PCNT: variants seen among roughly 807,000 people sequenced by gnomAD.
The protein encoded by PCNT is kendrin.
In PCNT, 319 loss-of-function variants were observed where a neutral mutation model predicts 380.4. That is an observed-to-expected ratio of 0.84 (90% CI 0.77 to 0.92). The LOEUF is 0.92. Ranked by LOEUF, PCNT falls within the 40% of genes least tolerant of loss-of-function variation. The probability of loss-of-function intolerance (pLI) is 0.00; values close to 1 mark genes in which losing one functional copy is unlikely to be tolerated. For missense variants in PCNT, 4,400 were observed against 4,255.3 expected (o/e 1.03, Z -0.95); for synonymous variants, 1,845 against 1,735.2 (o/e 1.06, Z -1.57).
rs541725159 is a variant in PCNT at position 46,389,219 on chromosome 21, T to C, written c.3628T>C (p.Trp1210Arg). The C allele has an allele frequency of 1.2e-6, 2 of 1,614,132 alleles. No homozygotes were observed. Among genetic ancestry groups the C allele is most frequent in the African/African-American group, 2.7e-5 (2 of 75,058 alleles). The change falls in exon 19 of 47, where the codon TGG becomes CGG. Residue 1210 changes from tryptophan (W) to arginine (R), a missense_variant. Trp to Arg is a moderately radical substitution (Grantham distance 101). Coordinates refer to ENST00000359568, the MANE Select transcript of PCNT (RefSeq NM_006031.6). ...TGTAGCTCCGGCGCTGGAGGAGACATGGTCTGATGTGGCCCTCCCGGAGTT... is the reference window on the plus strand; with the variant it reads ...TGTAGCTCCGGCGCTGGAGGAGACACGGTCTGATGTGGCCCTCCCGGAGTT... ...LSTAPALEET[W>R]SDVALPELDR...
At chr21:46,408,683 A>G (rs1242616393) in intron 27 of PCNT, among the ~76,000 whole-genome samples, 3 of 136,936 alleles carry the variant, frequency 2.2e-5, no homozygotes, top group African/African-American at 8.2e-5. Flanking sequence ...TGCCATCCAT[A>G]TTGTGGGGGA....
intron 21 of PCNT, 49 bp from the exon 22 acceptor site, chr21:46,397,216 C>A: frequency 7.0e-7 from 1 of 1,423,892 alleles, no homozygotes; most frequent in Non-Finnish European, 9.9e-7. Flanking sequence ...CATGCACCAG[C>A]CTCTGAGGTG....
intron 15 of PCNT, among the ~76,000 whole-genome samples, chr21:46,368,901 A>C (rs1356183556): frequency 6.6e-6 from 1 of 152,238 alleles, no homozygotes; most frequent in Non-Finnish European, 1.5e-5. Flanking sequence ...ATTTCCTGAT[A>C]CCAGCATGCC....
intron 16 of PCNT, among the ~76,000 whole-genome samples, 153 bp downstream of exon 16, chr21:46,381,993 T>C (rs1357182644): frequency 2.1e-5 from 3 of 144,328 alleles, no homozygotes; most frequent in African/African-American, 7.6e-5. Context: ...GCATTCACAG[T>C]GTTGTAGATT....
intron 2 of PCNT, among the ~76,000 whole-genome samples, chr21:46,329,375 A>G (rs1425207998): frequency 3.9e-5 from 6 of 152,248 alleles, no homozygotes; most frequent in African/African-American, 1.4e-4. Flanking sequence ...TATACCAGAA[A>G]ATTAACAGTG....
intron 34 of PCNT, 145 bp from the exon 35 acceptor site, chr21:46,428,250 G>C: frequency 1.3e-6 from 1 of 781,014 alleles, no homozygotes; most frequent in South Asian, 1.5e-5. Context: ...AGGCCCCAGA[G>C]CTGAGGCCCA....
At position 46,346,862 on chromosome 21, in the gene PCNT, G is replaced by T; in HGVS notation, c.840G>T (p.Leu280=). 1 of 1,608,558 alleles carries T rather than the reference G, an allele frequency of 6.2e-7. No individual in the cohort carries two copies. Among genetic ancestry groups the T allele is most frequent in the Non-Finnish European group, 8.5e-7 (1 of 1,178,102 alleles). ...AGAAGGAGACGGCATTGACGGAGCT[G>T]CGGGAGATGCTCAACAGCCGGCGTG... ...QKEKETALTE[L]REMLNSRRAQ... is the part of the protein sequence containing the mutation. The change falls in exon 5 of 47, where the codon CTG becomes CTT. Residue 280 remains leucine, a synonymous_variant. Transcript: ENST00000359568.
intron 3 of PCNT, among the ~76,000 whole-genome samples, chr21:46,338,356 G>A (rs1283312837): frequency 6.6e-6 from 1 of 152,072 alleles, no homozygotes; most frequent in East Asian, 1.9e-4. Flanking sequence ...TTTGTTCTAT[G>A]GTTTTGCCTT....
At chr21:46,342,982 G>C (rs758129402) in intron 3 of PCNT, among the ~76,000 whole-genome samples, 1 of 152,128 alleles carries the variant, frequency 6.6e-6, no homozygotes, top group Admixed American at 6.6e-5. Flanking sequence ...CACTTTTGGG[G>C]TATAGCAGTG....
At position 46,326,389 on chromosome 21, in the gene PCNT, C is replaced by T. The variant is rs376562979; in HGVS notation, c.67C>T (p.Arg23Ter). 4 of 1,614,006 alleles carry T rather than the reference C, an allele frequency of 2.5e-6. No homozygotes were observed. In the African/African-American group the frequency reaches 4.0e-5, roughly 16 times the overall value. The change falls in exon 2 of 47, where the codon CGA (arginine) becomes TGA (stop). Residue 23 changes from arginine (R) to a stop codon, truncating the protein, a stop_gained. Coordinates refer to ENST00000359568, the MANE Select transcript of PCNT (RefSeq NM_006031.6). LOFTEE classifies it high-confidence loss of function. Reference sequence around the variant, plus strand: ...CATTTTTGCGCAGCTTGCTCACTTCCGACAGAGAAAAACAAAAGGTGACAG... The same window carrying T: ...CATTTTTGCGCAGCTTGCTCACTTCTGACAGAGAAAAACAAAAGGTGACAG... ...EAGRTKLAHFRQRKTKGDSSH... is the reference protein window; with the variant it reads ...EAGRTKLAHF
intron 37 of PCNT, 154 bp downstream of exon 37, chr21:46,430,811 T>A (rs1427818187): frequency 1.0e-6 from 1 of 985,280 alleles, no homozygotes. Context: ...TGTTTGCAGG[T>A]AAAATTGCAC....
intron 26 of PCNT, among the ~76,000 whole-genome samples, chr21:46,402,069 G>A (rs1165013740): frequency 6.6e-6 from 1 of 152,070 alleles, no homozygotes; most frequent in Admixed American, 6.6e-5. Context: ...GGCCAGGCTG[G>A]TTTCCAACTC....
At chr21:46,329,505 A>C (rs780310805) in intron 2 of PCNT, among the ~76,000 whole-genome samples, 22 of 152,316 alleles carry the variant, frequency 1.4e-4, no homozygotes, top group Non-Finnish European at 2.4e-4. Flanking sequence ...TAACTATACC[A>C]CTAATAAAAC....
rs758820636 is a variant in PCNT, at chr21:46,366,602, A to G, written c.2628A>G (p.Lys876=). 2 of 1,614,058 alleles carry G rather than the reference A, an allele frequency of 1.2e-6. No individual in the cohort carries two copies. Among genetic ancestry groups the G allele is most frequent in the Non-Finnish European group, 1.7e-6 (2 of 1,179,978 alleles). ...GCCGCAGGTTTTTAGAGGAACGTAA[A>G]GAGATCACCGAGAAATTCAGTGCGG... The part of the protein sequence containing the change: ...LARSRFLEER[K]EITEKFSAEQ... Residue 876 remains lysine, a synonymous_variant, in exon 15 of 47, where the codon AAA becomes AAG. Transcript: ENST00000359568.
chr21:46,414,594 C>A (rs1419045234), intron 29 of PCNT, among the ~76,000 whole-genome samples: 1 of 148,736 alleles, frequency 6.7e-6, no homozygotes, highest in East Asian at 2.0e-4. Context: ...CGCAGCCGCC[C>A]ACCCTGCTCC....
At chr21:46,383,881 G>T (rs1163056473) in intron 16 of PCNT, among the ~76,000 whole-genome samples, 3 of 143,028 alleles carry the variant, frequency 2.1e-5, no homozygotes, top group Non-Finnish European at 4.6e-5. Context: ...CGCATTCACG[G>T]TGTTGTGCAT....
At chr21:46,423,693 C>A in intron 32 of PCNT, among the ~76,000 whole-genome samples, 1 of 36,606 alleles carries the variant, frequency 2.7e-5, no homozygotes, top group Non-Finnish European at 5.0e-5. Flanking sequence ...AGCTGCGAAG[C>A]AGAGGAGGAG....
intron 41 of PCNT, 21 bp downstream of exon 41, chr21:46,438,358 C>T (rs769712857): frequency 1.2e-6 from 2 of 1,611,432 alleles, no homozygotes. Context: ...GTGCTTAACT[C>T]TTACCTGCCT....
Position 46,398,218 on chromosome 21 carries a change from G to A in PCNT, c.4564-17G>A. ...CTTTCTTTAAATTTTTGCCTTCCAT[G>A]TACATGAAATCGGCAGCAGGCGCCG... On this transcript the variant is annotated splice_polypyrimidine_tract_variant and intron_variant, in intron 23 of 46. Coordinates refer to ENST00000359568, the MANE Select transcript of PCNT (RefSeq NM_006031.6). 1 of 1,608,594 alleles carries A rather than the reference G, an allele frequency of 6.2e-7. No individual in the cohort carries two copies. Among genetic ancestry groups the A allele is most frequent in the Non-Finnish European group, 8.5e-7 (1 of 1,178,454 alleles).
Sources: allele counts gnomAD v4.1 joint callset (sites outside exome capture counted in the v4.1 genomes callset), GRCh38; gene constraint gnomAD v4.1.1; transcripts MANE v1.5; gene names NCBI Gene and HGNC (gene_info 2026-07-23, HGNC 2026-07-21).